Variants in PAWR observed in about 807,000 individuals in gnomAD.
The protein encoded by PAWR is pro-apoptotic WT1 regulator, also known as PRKC apoptosis WT1 regulator protein.
Under a neutral mutation model 32.0 loss-of-function variants are expected in PAWR, and 23 were observed. The observed-to-expected ratio is 0.72, with a 90% CI of 0.52 to 1.02. The LOEUF (loss-of-function observed/expected upper bound fraction) is 1.02, where lower values mean the gene tolerates loss of function less well. PAWR is among the 50% of genes least tolerant of loss of function. The pLI, the probability that PAWR is intolerant of heterozygous loss-of-function variation, is 0.00. For missense variants in PAWR, 457 were observed against 437.7 expected (o/e 1.04, Z -0.39); for synonymous variants, 226 against 187.1 (o/e 1.21, Z -1.70).
At chr12:79,616,720 G>T (rs1042119865) in intron 3 of PAWR, among the ~76,000 whole-genome samples, 2 of 148,610 alleles carry the variant, frequency 1.3e-5, no homozygotes, top group African/African-American at 2.5e-5. Flanking sequence ...AGTTGTTTGG[G>T]TTTTTTTTTT....
At position 79,627,623 on chromosome 12, in the gene PAWR, T is replaced by G. The variant is rs527285299; in HGVS notation, c.517-6416A>C. Among the ~76,000 whole-genome samples, 7 of 152,306 alleles carry G rather than the reference T, an allele frequency of 4.6e-5. No homozygotes were observed. In the East Asian group the frequency reaches 1.4e-3, roughly 29 times the overall value. On this transcript the variant is annotated intron_variant, in intron 2 of 6. Coordinates refer to ENST00000328827, the MANE Select transcript of PAWR (RefSeq NM_002583.4). ...GATCCCATTTGTCAATTTTGGCTTT[T>G]GTTGCCATTGCTTTTGGTGTTTTAG...
rs546156231 is a variant in PAWR, at chr12:79,589,536, T to G, written c.*3071A>C. ...CTTAATTTTCTATGTTTGAAACTAC[T>G]TGAACAAGTGTGACAGTGCTAATCT... On this transcript the variant is annotated 3_prime_UTR_variant, in exon 7 of 7. Coordinates refer to ENST00000328827, the MANE Select transcript of PAWR (RefSeq NM_002583.4). The G allele has an allele frequency of 1.3e-5, 2 of 152,080 alleles. No individual in the cohort carries two copies. The highest frequency in any genetic ancestry group is 2.4e-5 in the African/African-American group (1 of 41,446). The allele number at this position is 152,080 out of a possible 1,614,324, so 9.4% of individuals were successfully genotyped here.
chr12:79,664,200 C>T (rs556141903), intron 2 of PAWR, among the ~76,000 whole-genome samples: 2 of 152,138 alleles, frequency 1.3e-5, no homozygotes, highest in African/African-American at 4.8e-5. Context: ...GAGGCCACCA[C>T]TTCAAGGGTT....
In PAWR at chr12:79,586,511, T is replaced by C. The variant is rs1239796469; in HGVS notation, c.*6096A>G. The C allele has an allele frequency of 6.6e-6, 1 of 152,310 alleles. No individual in the cohort carries two copies. The highest frequency in any genetic ancestry group is 2.1e-4 in the South Asian group (1 of 4,828). 9.4% of individuals were successfully genotyped at this position (152,310 alleles called of 1,614,324 possible). A position where few individuals can be genotyped will look rare whatever the true frequency, so the allele number is the denominator to read the frequency against. On this transcript the variant is annotated 3_prime_UTR_variant, in exon 7 of 7. Coordinates refer to ENST00000328827, the MANE Select transcript of PAWR (RefSeq NM_002583.4). ...ATATTTGGATAGAAGCCTCTAACAA[T>C]GTAAATATTGTGCATTTCAAGTTCC...
intron 2 of PAWR, among the ~76,000 whole-genome samples, chr12:79,678,884 T>TTTTTG (rs61448488): frequency 6.9e-6 from 1 of 145,698 alleles, no homozygotes; most frequent in African/African-American, 2.5e-5. Flanking sequence ...TTTTTTTTTT[T>TTTTTG]GGCGGGGGTG....
At chr12:79,655,579 G>C (rs1368297021) in intron 2 of PAWR, among the ~76,000 whole-genome samples, 1 of 152,178 alleles carries the variant, frequency 6.6e-6, no homozygotes, top group Non-Finnish European at 1.5e-5. Flanking sequence ...AATAAACTTA[G>C]AGCATGCCTT....
chr12:79,639,523 A>G lies in PAWR; in HGVS notation c.517-18316T>C, dbSNP rs549835819. ...TCTGTAAAGTTCATCTTTAGCCTCA[A>G]CTGGTCCCTCTCAAGAAACTTCACA... On this transcript the variant is annotated intron_variant, in intron 2 of 6. Coordinates refer to ENST00000328827, the MANE Select transcript of PAWR (RefSeq NM_002583.4). 2.0e-5 allele frequency among the ~76,000 whole-genome samples: 3 copies of G among 152,216 alleles called. No individual in the cohort carries two copies. The South Asian group carries it at 6.2e-4, about 32-fold the overall frequency.
At chr12:79,650,714 T>TC (rs373194545) in intron 2 of PAWR, among the ~76,000 whole-genome samples, 1 of 113,074 alleles carries the variant, frequency 8.8e-6, no homozygotes, top group African/African-American at 3.4e-5. Context: ...TAAAGGTTAT[T>TC]AAAAAAAAAA....
intron 2 of PAWR, among the ~76,000 whole-genome samples, chr12:79,623,836 C>T (rs977543345): frequency 3.6e-4 from 55 of 152,044 alleles, no homozygotes; most frequent in African/African-American, 1.3e-3. Context: ...TATGACCAAA[C>T]ACTCTAGTTA....
intron 2 of PAWR, among the ~76,000 whole-genome samples, chr12:79,661,781 T>C (rs1175487458): frequency 6.6e-6 from 1 of 152,034 alleles, no homozygotes; most frequent in East Asian, 1.9e-4. Context: ...GTGTCATCAG[T>C]AAATGGTAAT....
At chr12:79,629,906 T>G (rs1383037838) in intron 2 of PAWR, among the ~76,000 whole-genome samples, 4 of 151,954 alleles carry the variant, frequency 2.6e-5, no homozygotes, top group Non-Finnish European at 4.4e-5. Flanking sequence ...AAATCACAAG[T>G]AGAAAATATT....
Position 79,689,854 on chromosome 12 carries a change from C to T in PAWR, c.391G>A (p.Asp131Asn). 6.3e-7 allele frequency: 1 copy of T among 1,581,360 alleles called. No individual in the cohort carries two copies. The highest frequency in any genetic ancestry group is 1.7e-4 in the Middle Eastern group (1 of 5,724). ...CTCTTGCCCTTCTCTGGGACGCCGT[C>T]CGGCTCCTCCTCGTCACGCTGGGGC... ...PPPQRDEEEP[D>N]GVPEKGKSSG... Residue 131 changes from aspartate (D) to asparagine (N), a missense_variant, in exon 2 of 7, where the codon GAC becomes AAC. By Grantham distance (23) the Asp-to-Asn change is conservative (BLOSUM62 1). Coordinates refer to ENST00000328827, the MANE Select transcript of PAWR (RefSeq NM_002583.4).
At chr12:79,675,416 C>T (rs887144161) in intron 2 of PAWR, among the ~76,000 whole-genome samples, 1 of 151,988 alleles carries the variant, frequency 6.6e-6, no homozygotes, top group Non-Finnish European at 1.5e-5. Flanking sequence ...ATCATTCTAC[C>T]ATGAAGACAC....
At chr12:79,636,511 C>G (rs941630240) in intron 2 of PAWR, among the ~76,000 whole-genome samples, 1 of 152,030 alleles carries the variant, frequency 6.6e-6, no homozygotes, top group South Asian at 2.1e-4. Flanking sequence ...AAAATTTCAA[C>G]ATAAAACATA....
chr12:79,587,062 T>A lies in PAWR; in HGVS notation c.*5545A>T, dbSNP rs1209168535. On this transcript the variant is annotated 3_prime_UTR_variant, in exon 7 of 7. Coordinates refer to ENST00000328827, the MANE Select transcript of PAWR (RefSeq NM_002583.4). ...TGATAGAATTGTGTGCACGCGTGCA[T>A]GCATGCATAAACACAAAGTGAATCT... The A allele has an allele frequency of 6.6e-6, 1 of 152,082 alleles. No individual in the cohort carries two copies. Among genetic ancestry groups the A allele is most frequent in the African/African-American group, 2.4e-5 (1 of 41,428 alleles). The allele number at this position is 152,082 out of a possible 1,614,324, so 9.4% of individuals were successfully genotyped here.
intron 4 of PAWR, chr12:79,604,722 C>T (rs1201892996): frequency 7.8e-7 from 1 of 1,284,536 alleles, no homozygotes; most frequent in Non-Finnish European, 1.0e-6. Context: ...ATCTCTCTTC[C>T]TTTAAATACA....
At chr12:79,659,372 G>A (rs1032856422) in intron 2 of PAWR, among the ~76,000 whole-genome samples, 7 of 151,972 alleles carry the variant, frequency 4.6e-5, no homozygotes, top group Admixed American at 2.0e-4. Context: ...TTTAGACATC[G>A]GGAAAGGTGA....
intron 4 of PAWR, among the ~76,000 whole-genome samples, chr12:79,601,066 G>A (rs895825180): frequency 2.6e-5 from 4 of 152,072 alleles, no homozygotes; most frequent in South Asian, 2.1e-4. Context: ...AGGTTGAAAC[G>A]TAAAAAGAAG....
chr12:79,665,210 T>C (rs982604717), intron 2 of PAWR, among the ~76,000 whole-genome samples: 4 of 152,208 alleles, frequency 2.6e-5, no homozygotes, highest in African/African-American at 9.6e-5. Context: ...TTTCTTATAG[T>C]CTACAAATAC....
Sources: gnomAD v4.1 joint callset for allele counts (sites outside exome capture counted in the v4.1 genomes callset) on GRCh38, gnomAD v4.1.1 for gene constraint, MANE v1.5 for transcripts, NCBI Gene and HGNC (gene_info 2026-07-23, HGNC 2026-07-21) for gene names.